The following DEGS2 variants were observed in gnomAD, a reference collection of about 807,000 sequenced individuals.
DEGS2 encodes the protein sphingolipid delta(4)-desaturase/C4-monooxygenase DES2.
DEGS2 carries 19 observed loss-of-function variants against 23.8 expected under a neutral mutation model. That is an observed-to-expected ratio of 0.80 (90% confidence interval 0.56 to 1.17). The LOEUF (loss-of-function observed/expected upper bound fraction) is 1.17, where lower values mean the gene tolerates loss of function less well. DEGS2 is among the 50% of genes most tolerant of loss of function. DEGS2 has a pLI of 0.00. For synonymous variants in DEGS2, 218 were observed against 213.7 expected (o/e 1.02, Z -0.18); for missense variants, 390 against 459.5 (o/e 0.85, Z 1.38).
Position 100,149,479 on chromosome 14 carries a change from T to C in DEGS2, c.314A>G (p.Asn105Ser). 6.3e-7 allele frequency: 1 copy of C among 1,597,118 alleles called. No homozygotes were observed. Among genetic ancestry groups the C allele is most frequent in the Admixed American group, 1.7e-5 (1 of 58,196 alleles). Residue 105 changes from asparagine (N) to serine (S), a missense_variant, in exon 2 of 3, where the codon AAC (asparagine) becomes AGC (serine). Asn to Ser is a conservative substitution (Grantham distance 46, BLOSUM62 1). Coordinates refer to ENST00000305631, the MANE Select transcript of DEGS2 (RefSeq NM_206918.3). ...AAFGTGRAAR[N>S]RWLAVFANLP... ...GTTGGCGAACACGGCCAGCCAGCGG[T>C]TGCGTGCCGCACGGCCCGTGCCGAA...
chr14:100,154,210 C>T (rs1402299449), intron 1 of DEGS2, among the ~76,000 whole-genome samples: 1 of 152,142 alleles, frequency 6.6e-6, no homozygotes, highest in Non-Finnish European at 1.5e-5. Context: ...ACTAAAAATA[C>T]AAAAATCAGC....
chr14:100,151,907 C>A (rs1244626742), intron 1 of DEGS2, among the ~76,000 whole-genome samples: 1 of 152,140 alleles, frequency 6.6e-6, no homozygotes, highest in Non-Finnish European at 1.5e-5. Context: ...GCGCCCAGGT[C>A]CCTGGGGGAG....
At chr14:100,166,370 G>T in the DEGS2 span, among the ~76,000 whole-genome samples, 1 of 134,668 alleles carries the variant, frequency 7.4e-6, no homozygotes, top group Non-Finnish European at 1.6e-5. Context: ...GCCTGCCCGG[G>T]GCTGTGGGGG....
intron 1 of DEGS2, among the ~76,000 whole-genome samples, chr14:100,151,875 A>C (rs1240881683): frequency 2.0e-5 from 3 of 152,340 alleles, no homozygotes; most frequent in African/African-American, 7.2e-5. Flanking sequence ...GATTGCAAAG[A>C]TCTACCATCT....
At chr14:100,166,238 G>GC in the DEGS2 span, among the ~76,000 whole-genome samples, 6 of 123,034 alleles carry the variant, frequency 4.9e-5, no homozygotes, top group East Asian at 2.6e-4. Context: ...ATCCAGGAGA[G>GC]TGGGGGGAGC....
rs1461838884 is a variant in DEGS2, at chr14:100,145,728, C to G, written c.*1033G>C. Reference sequence around the variant, plus strand: ...TGCTGCCTGCCCACCTCTGGGACATCAGGACCCAACCCAGCCCTGCCCTCC... The same window carrying G: ...TGCTGCCTGCCCACCTCTGGGACATGAGGACCCAACCCAGCCCTGCCCTCC... On this transcript the variant is annotated 3_prime_UTR_variant, in exon 3 of 3. Coordinates refer to ENST00000305631, the MANE Select transcript of DEGS2 (RefSeq NM_206918.3). The G allele has an allele frequency of 6.6e-6, 1 of 152,508 alleles. No homozygotes were observed. Among genetic ancestry groups the G allele is most frequent in the African/African-American group, 2.4e-5 (1 of 41,464 alleles). The allele number at this position is 152,508 out of a possible 1,614,324, so 9.4% of individuals were successfully genotyped here. A position where few individuals can be genotyped will look rare whatever the true frequency, so the allele number is the denominator to read the frequency against.
Position 100,146,756 on chromosome 14 carries a change from C to T in DEGS2, c.*5G>A, listed in dbSNP as rs2236317. 249,157 of 1,612,392 alleles carry T rather than the reference C, an allele frequency of 0.15. 19,730 individuals carry two copies. The highest frequency in any genetic ancestry group is 0.22 in the Middle Eastern group (1,335 of 6,050). Reference sequence around the variant, plus strand: ...CAATGGCCACCACCAGGAGGCAGCCCGGGCTCACAGACCATCTTTTGCCAG... The same window carrying T: ...CAATGGCCACCACCAGGAGGCAGCCTGGGCTCACAGACCATCTTTTGCCAG... On this transcript the variant is annotated 3_prime_UTR_variant, in exon 3 of 3. Coordinates refer to ENST00000305631, the MANE Select transcript of DEGS2 (RefSeq NM_206918.3).
Position 100,149,560 on chromosome 14 carries a change from C to T in DEGS2, c.233G>A (p.Gly78Asp), listed in dbSNP as rs1283245385. The change falls in exon 2 of 3, where the codon GGC becomes GAC. Residue 78 changes from glycine to aspartate, a missense_variant. Gly to Asp is a moderately conservative substitution (Grantham distance 94, BLOSUM62 -1). Coordinates refer to ENST00000305631, the MANE Select transcript of DEGS2 (RefSeq NM_206918.3). Reference sequence around the variant, plus strand: ...CAGCGTCAGCGAGTGGTTCACGCAGCCACCAAAGGCGTAGGCCCAGAACAG... The same window carrying T: ...CAGCGTCAGCGAGTGGTTCACGCAGTCACCAAAGGCGTAGGCCCAGAACAG... ...WLLFWAYAFG[G>D]CVNHSLTLAI... The T allele has an allele frequency of 6.2e-7, 1 of 1,607,556 alleles. No homozygotes were observed. The highest frequency in any genetic ancestry group is 8.5e-7 in the Non-Finnish European group (1 of 1,178,456).
chr14:100,166,269 A>T, the DEGS2 span, among the ~76,000 whole-genome samples: 1 of 71,248 alleles, frequency 1.4e-5, no homozygotes, highest in Non-Finnish European at 2.8e-5. Flanking sequence ...GAGTGGGGGG[A>T]GCCTGTCTGG....
At chr14:100,153,266 G>C (rs1353805479) in intron 1 of DEGS2, among the ~76,000 whole-genome samples, 1 of 80,444 alleles carries the variant, frequency 1.2e-5, no homozygotes, top group Non-Finnish European at 2.8e-5. Context: ...TAGATAGATA[G>C]ATAGATAGAT....
At chr14:100,159,728 C>G (rs532287645), upstream of DEGS2, 81 of 127,684 alleles carry the variant, frequency 6.3e-4, no homozygotes, top group East Asian at 4.2e-3. Context: ...AGGCTTGGGG[C>G]GGGGCACCTC....
chr14:100,153,714 C>T (rs1489588851), intron 1 of DEGS2, among the ~76,000 whole-genome samples: 1 of 152,232 alleles, frequency 6.6e-6, no homozygotes, highest in African/African-American at 2.4e-5. Flanking sequence ...GCTCTCTGCT[C>T]CGTGGGGCAG....
intron 1 of DEGS2, among the ~76,000 whole-genome samples, chr14:100,152,903 A>T (rs75858780): frequency 1.0e-4 from 14 of 134,442 alleles, no homozygotes; most frequent in East Asian, 2.6e-4. Context: ...GATGGATGGA[A>T]GGAAAGAAGG....
chr14:100,158,518 C>T (rs1470118360), intron 1 of DEGS2, among the ~76,000 whole-genome samples: 1 of 152,104 alleles, frequency 6.6e-6, no homozygotes, highest in Non-Finnish European at 1.5e-5. Flanking sequence ...GCCGAGATCG[C>T]GAGACTCTGT....
chr14:100,159,412 G>A (rs879885574), intron 1 of DEGS2, 94 bp downstream of exon 1: 1 of 1,032,162 alleles, frequency 9.7e-7, no homozygotes, highest in Non-Finnish European at 1.3e-6. Flanking sequence ...TTGGGCCAGA[G>A]CTGGAGCGGC....
chr14:100,158,782 G>C (rs968330168), intron 1 of DEGS2, among the ~76,000 whole-genome samples: 1 of 152,126 alleles, frequency 6.6e-6, no homozygotes, highest in Non-Finnish European at 1.5e-5. Context: ...CCGTAAGCCC[G>C]GGCCAAGGAC....
rs1344190741 is a variant in DEGS2 at position 100,146,437 on chromosome 14, T to G, written c.*324A>C. The G allele has an allele frequency of 1.8e-5, 5 of 280,340 alleles. No homozygotes were observed. The highest frequency in any genetic ancestry group is 3.3e-5 in the Non-Finnish European group (5 of 149,416). 17.4% of individuals were successfully genotyped at this position (280,340 alleles called of 1,614,324 possible). A position where few individuals can be genotyped will look rare whatever the true frequency, so the allele number is the denominator to read the frequency against. The stretch of plus-strand genomic sequence containing the variant: ...CATGGGCTGTGAAACAAACGCCGGG[T>G]TTAATGTAGGGCACAGGCACCCCGG... On this transcript the variant is annotated 3_prime_UTR_variant, in exon 3 of 3. Transcript: ENST00000305631.
chr14:100,148,196 C>G (rs1347766983), intron 2 of DEGS2, among the ~76,000 whole-genome samples: 1 of 152,234 alleles, frequency 6.6e-6, no homozygotes, highest in Non-Finnish European at 1.5e-5. Context: ...CGCCCAGGCA[C>G]ACATGCAAAT....
In DEGS2 at chr14:100,146,707, C is replaced by A. The variant is rs560328934; in HGVS notation, c.*54G>T. 7.0e-5 allele frequency: 112 copies of A among 1,595,938 alleles called. No homozygotes were observed. The highest frequency in any genetic ancestry group is 9.4e-5 in the Non-Finnish European group (110 of 1,171,384). ...AATGTAGCTTCTCAGTGCTGGGGTG[C>A]AAGGCTGAGGGGCCGATGGGGGACA... is the stretch of plus-strand genomic sequence containing the variant. On this transcript the variant is annotated 3_prime_UTR_variant, in exon 3 of 3. Coordinates refer to ENST00000305631, the MANE Select transcript of DEGS2 (RefSeq NM_206918.3).
Sources: allele counts gnomAD v4.1 joint callset (sites outside exome capture counted in the v4.1 genomes callset), GRCh38; gene constraint gnomAD v4.1.1; transcripts MANE v1.5; gene names NCBI Gene and HGNC (gene_info 2026-07-23, HGNC 2026-07-21).